The following SLCO3A1 variants were observed in gnomAD, a reference collection of about 807,000 sequenced individuals.
The protein encoded by SLCO3A1 is solute carrier organic anion transporter family member 3A1.
SLCO3A1 carries 27 observed loss-of-function variants against 63.1 expected under a neutral mutation model. The ratio of observed to expected loss-of-function variants is 0.43; its 90% CI spans 0.32 to 0.59. SLCO3A1 has a LOEUF of 0.59. Among genes scored for constraint, SLCO3A1 ranks in the 20% least tolerant of loss-of-function variants. The probability of loss-of-function intolerance (pLI) is 0.09; values close to 1 mark genes in which losing one functional copy is unlikely to be tolerated. For missense variants in SLCO3A1, 773 were observed against 945.8 expected (o/e 0.82, Z 2.40); for synonymous variants, 473 against 409.9 (o/e 1.15, Z -1.86).
intron 10 of SLCO3A1, chr15:92,171,642 TTTA>T (rs1006452356): frequency 8.3e-5 from 55 of 661,746 alleles, no homozygotes; most frequent in Middle Eastern, 7.4e-4. Flanking sequence ...AACCCAGCAC[TTTA>T]TTGCTTTGAC....
intron 2 of SLCO3A1, among the ~76,000 whole-genome samples, chr15:91,993,230 T>C (rs542830828): frequency 1.3e-5 from 2 of 152,342 alleles, no homozygotes; most frequent in South Asian, 4.1e-4. Flanking sequence ...AGTACAAACA[T>C]TTCAACCAAC....
At chr15:91,864,076 C>T (rs1897108666) in intron 1 of SLCO3A1, among the ~76,000 whole-genome samples, 3 of 152,212 alleles carry the variant, frequency 2.0e-5, no homozygotes, top group African/African-American at 7.2e-5. Context: ...GCACTAGGCT[C>T]AGAGTGGCAC....
intron 6 of SLCO3A1, among the ~76,000 whole-genome samples, chr15:92,127,090 G>C (rs991471708): frequency 6.6e-6 from 1 of 152,228 alleles, no homozygotes; most frequent in African/African-American, 2.4e-5. Context: ...GAGCAGAACA[G>C]AGGCAGCTTT....
At chr15:92,104,970 G>C (rs888073711) in intron 4 of SLCO3A1, among the ~76,000 whole-genome samples, 2 of 151,086 alleles carry the variant, frequency 1.3e-5, no homozygotes, top group African/African-American at 4.8e-5. Context: ...GGGCGCGGTG[G>C]CTGTAATCCC....
chr15:92,091,223 T>C (rs1315587467), intron 2 of SLCO3A1, among the ~76,000 whole-genome samples: 2 of 152,122 alleles, frequency 1.3e-5, no homozygotes, highest in African/African-American at 4.8e-5. Context: ...CTTTCAATTA[T>C]CCAGGGTAGT....
chr15:92,017,965 G>A (rs1332855935), intron 2 of SLCO3A1, among the ~76,000 whole-genome samples: 4 of 152,166 alleles, frequency 2.6e-5, no homozygotes, highest in African/African-American at 4.8e-5. Context: ...AGGTCGGAGG[G>A]AAACTTCTTG....
chr15:91,911,688 G>T (rs537945148), intron 1 of SLCO3A1, among the ~76,000 whole-genome samples: 1 of 151,838 alleles, frequency 6.6e-6, no homozygotes, highest in South Asian at 2.1e-4. Flanking sequence ...GTGCAGTGGC[G>T]CAGTCTTGGC....
chr15:92,081,051 G>T (rs995968619), intron 2 of SLCO3A1, among the ~76,000 whole-genome samples: 9 of 151,240 alleles, frequency 6.0e-5, no homozygotes, highest in Admixed American at 5.3e-4. Flanking sequence ...GGTAAATGGG[G>T]TATCCATCAT....
At chr15:91,920,283 G>A (rs1567186053) in intron 2 of SLCO3A1, among the ~76,000 whole-genome samples, 1 of 152,268 alleles carries the variant, frequency 6.6e-6, no homozygotes, top group East Asian at 1.9e-4. Flanking sequence ...CTCAAGGGTG[G>A]TGCACGGTCC....
At chr15:92,101,734 T>C (rs929315079) in intron 3 of SLCO3A1, among the ~76,000 whole-genome samples, 3 of 152,144 alleles carry the variant, frequency 2.0e-5, no homozygotes, top group Admixed American at 2.0e-4. Flanking sequence ...CTTCCCAAAA[T>C]AGTCAGTGAT....
chr15:92,055,680 C>T (rs1481295882), intron 2 of SLCO3A1, among the ~76,000 whole-genome samples: 1 of 152,148 alleles, frequency 6.6e-6, no homozygotes, highest in African/African-American at 2.4e-5. Flanking sequence ...AAGACTGGGC[C>T]ACATGCAGCC....
intron 3 of SLCO3A1, among the ~76,000 whole-genome samples, chr15:92,096,499 A>G (rs1230416447): frequency 4.6e-5 from 7 of 152,106 alleles, no homozygotes; most frequent in Admixed American, 4.6e-4. Flanking sequence ...TCTGAAAAGG[A>G]ACACTATATT....
chr15:92,070,338 CAT>C, intron 2 of SLCO3A1, among the ~76,000 whole-genome samples: 1 of 152,350 alleles, frequency 6.6e-6, no homozygotes, highest in East Asian at 1.9e-4. Context: ...CTTTCAAAAA[CAT>C]GTCTTGAAAT....
At chr15:92,166,334 A>G (rs984686178), downstream of SLCO3A1, among the ~76,000 whole-genome samples, 3 of 152,158 alleles carry the variant, frequency 2.0e-5, no homozygotes, top group African/African-American at 7.2e-5. Flanking sequence ...GCAAAATAAT[A>G]ACTGGAAAGC....
At chr15:92,113,624 G>A (rs2047756460) in intron 4 of SLCO3A1, among the ~76,000 whole-genome samples, 1 of 152,290 alleles carries the variant, frequency 6.6e-6, no homozygotes, top group Middle Eastern at 3.4e-3. Flanking sequence ...ATAGCCCAGG[G>A]CAGAGGTTAG....
intron 9 of SLCO3A1, among the ~76,000 whole-genome samples, chr15:92,151,415 ACTTTGCATC>A (rs2048304105): frequency 6.6e-6 from 1 of 152,188 alleles, no homozygotes; most frequent in African/African-American, 2.4e-5. Flanking sequence ...GAAAATGGAA[ACTTTGCATC>A]CTTTAAATTT....
chr15:91,966,201 A>G lies in SLCO3A1; in HGVS notation c.646+49743A>G, dbSNP rs528364910. On this transcript the variant is annotated intron_variant, in intron 2 of 9. Transcript: ENST00000318445. Reference sequence around the variant, plus strand: ...GGCCTCGGCTGGCAGCCCCAGCCACACCATAACTGCACCCGTAGCTCAGAT... The same window carrying G: ...GGCCTCGGCTGGCAGCCCCAGCCACGCCATAACTGCACCCGTAGCTCAGAT... Among the ~76,000 whole-genome samples the G allele has an allele frequency of 7.9e-5, 12 of 152,062 alleles. No homozygotes were observed. The South Asian group carries it at 2.1e-3, about 26-fold the overall frequency.
At chr15:92,055,880 C>A (rs192602549) in intron 2 of SLCO3A1, among the ~76,000 whole-genome samples, 109 of 152,294 alleles carry the variant, frequency 7.2e-4, no homozygotes, top group Admixed American at 3.5e-3. Context: ...TAGTCAGATT[C>A]GATTTGTCTT....
At chr15:92,088,054 G>A (rs1228749551) in intron 2 of SLCO3A1, among the ~76,000 whole-genome samples, 1 of 152,160 alleles carries the variant, frequency 6.6e-6, no homozygotes, top group Non-Finnish European at 1.5e-5. Context: ...TGGGGAAAGA[G>A]CACTGGTCAG....
Sources: gnomAD v4.1 joint callset for allele counts (sites outside exome capture counted in the v4.1 genomes callset) on GRCh38, gnomAD v4.1.1 for gene constraint, MANE v1.5 for transcripts, NCBI Gene and HGNC (gene_info 2026-07-23, HGNC 2026-07-21) for gene names.